The following MIS18A variants were observed in gnomAD, a reference collection of about 807,000 sequenced individuals.
The protein encoded by MIS18A is protein Mis18-alpha.
A neutral mutation model predicts 25.0 loss-of-function variants in MIS18A; 14 were observed. The observed-to-expected ratio is 0.56, with a 90% confidence interval of 0.37 to 0.88. MIS18A has a LOEUF of 0.88. MIS18A is among the 40% of genes least tolerant of loss of function. The pLI, the probability that MIS18A is intolerant of heterozygous loss-of-function variation, is 0.00. For synonymous variants in MIS18A, 134 were observed against 118.6 expected (o/e 1.13, Z -0.84); for missense variants, 292 against 290.8 (o/e 1.00, Z -0.03).
At chr21:32,203,613 C>CTTTTT in the MIS18A span, among the ~76,000 whole-genome samples, 3,701 of 85,384 alleles carry the variant, frequency 0.043, 231 homozygotes, top group South Asian at 0.073. Flanking sequence ...TTTTTAAATG[C>CTTTTT]TTTTTTTTTT....
At chr21:32,269,845 G>T in intron 3 of MIS18A, 42 bp from the exon 4 acceptor site, 1 of 1,206,600 alleles carries the variant, frequency 8.3e-7, no homozygotes, top group Non-Finnish European at 1.2e-6. Context: ...TGGGTGTGGT[G>T]GCATGCACTT....
chr21:32,178,025 C>G, the MIS18A span, among the ~76,000 whole-genome samples: 1 of 151,972 alleles, frequency 6.6e-6, no homozygotes, highest in Non-Finnish European at 1.5e-5. Flanking sequence ...AGAGAGCTTC[C>G]CTCCTCAGCA....
the MIS18A span, among the ~76,000 whole-genome samples, chr21:32,174,511 ACC>A: frequency 1.3e-5 from 2 of 152,208 alleles, no homozygotes; most frequent in Admixed American, 6.5e-5. Context: ...CTGCACATGT[ACC>A]CCGGAACTTA....
At chr21:32,226,728 T>C in the MIS18A span, among the ~76,000 whole-genome samples, 2 of 152,138 alleles carry the variant, frequency 1.3e-5, no homozygotes, top group East Asian at 3.8e-4. Flanking sequence ...AGTAGAAGAC[T>C]TGAACAGTAC....
At chr21:32,270,024 T>G (rs1347301613) in intron 3 of MIS18A, among the ~76,000 whole-genome samples, 1 of 152,034 alleles carries the variant, frequency 6.6e-6, no homozygotes, top group East Asian at 1.9e-4. Context: ...CAGAAAGCTA[T>G]GACCACAGCA....
At chr21:32,235,087 C>T in the MIS18A span, among the ~76,000 whole-genome samples, 2 of 152,152 alleles carry the variant, frequency 1.3e-5, no homozygotes, top group Non-Finnish European at 2.9e-5. Flanking sequence ...CACTCATTCC[C>T]TGAGCATGAA....
At chr21:32,166,866 T>C in the MIS18A span, among the ~76,000 whole-genome samples, 1 of 152,096 alleles carries the variant, frequency 6.6e-6, no homozygotes, top group South Asian at 2.1e-4. Flanking sequence ...AGGGTAACTT[T>C]ACAGTGGAGA....
chr21:32,271,932 A>G (rs2031722145), intron 2 of MIS18A, among the ~76,000 whole-genome samples: 1 of 152,204 alleles, frequency 6.6e-6, no homozygotes, highest in Admixed American at 6.5e-5. Context: ...ACTCAGAGAA[A>G]CCAGAGGCTT....
At chr21:32,266,675 G>A (rs763976815), downstream of MIS18A, among the ~76,000 whole-genome samples, 1 of 151,158 alleles carries the variant, frequency 6.6e-6, no homozygotes, top group Non-Finnish European at 1.5e-5. Flanking sequence ...CCACCAGAAG[G>A]AAGAAACTCC....
At chr21:32,155,299 T>A in the MIS18A span, among the ~76,000 whole-genome samples, 1 of 152,230 alleles carries the variant, frequency 6.6e-6, no homozygotes, top group African/African-American at 2.4e-5. Context: ...CCTAATTTTA[T>A]CCCTCGAAAC....
the MIS18A span, among the ~76,000 whole-genome samples, chr21:32,157,229 T>TTTTTTTTTC: frequency 1.6e-4 from 10 of 63,420 alleles, no homozygotes; most frequent in Non-Finnish European, 8.2e-5. Context: ...GCTAATTTTT[T>TTTTTTTTTC]TTTTTTTTTT....
chr21:32,182,082 C>A, the MIS18A span, among the ~76,000 whole-genome samples: 1 of 152,212 alleles, frequency 6.6e-6, no homozygotes, highest in African/African-American at 2.4e-5. Context: ...TTATCACCAT[C>A]ATTATTGCTA....
chr21:32,180,482 TC>T, the MIS18A span, among the ~76,000 whole-genome samples: 1 of 152,224 alleles, frequency 6.6e-6, no homozygotes, highest in South Asian at 2.1e-4. Context: ...ACAGCCCTCT[TC>T]TCCATGATCT....
At chr21:32,237,487 T>C in the MIS18A span, among the ~76,000 whole-genome samples, 1 of 152,200 alleles carries the variant, frequency 6.6e-6, no homozygotes, top group Admixed American at 6.5e-5. Flanking sequence ...ACACTTACAA[T>C]GGGCTAAGCC....
chr21:32,269,235 G>A (rs1271268231), intron 4 of MIS18A, 118 bp from the exon 5 acceptor site: 4 of 727,830 alleles, frequency 5.5e-6, no homozygotes, highest in Non-Finnish European at 8.7e-6. Context: ...TACATTACAA[G>A]GTAGATATTC....
the MIS18A span, among the ~76,000 whole-genome samples, chr21:32,173,099 T>C: frequency 0.016 from 2,428 of 152,146 alleles, 70 homozygotes; most frequent in African/African-American, 0.055. Context: ...AAAAAAAAGA[T>C]AAATCATACT....
the MIS18A span, among the ~76,000 whole-genome samples, chr21:32,235,268 A>G: frequency 6.6e-6 from 1 of 152,202 alleles, no homozygotes; most frequent in Non-Finnish European, 1.5e-5. Flanking sequence ...CCAGCAACCA[A>G]TAACTGACTA....
chr21:32,226,946 T>C, the MIS18A span, among the ~76,000 whole-genome samples: 1 of 152,034 alleles, frequency 6.6e-6, no homozygotes, highest in African/African-American at 2.4e-5. Context: ...TTTAGACAAT[T>C]CACAAATAGG....
downstream of MIS18A, among the ~76,000 whole-genome samples, chr21:32,264,176 G>A (rs1269540990): frequency 6.6e-6 from 1 of 152,112 alleles, no homozygotes. Flanking sequence ...AATATTTTAA[G>A]TGAAAATAGT....
Sources: gnomAD v4.1 joint callset for allele counts (sites outside exome capture counted in the v4.1 genomes callset) on GRCh38, gnomAD v4.1.1 for gene constraint, MANE v1.5 for transcripts, NCBI Gene and HGNC (gene_info 2026-07-23, HGNC 2026-07-21) for gene names.